FBXO25: variants seen among roughly 807,000 people sequenced by gnomAD.
FBXO25 encodes F-box only protein 25.
A neutral mutation model predicts 51.9 loss-of-function variants in FBXO25; 45 were observed. The observed-to-expected ratio is 0.87, with a 90% CI of 0.68 to 1.11. The LOEUF (loss-of-function observed/expected upper bound fraction) is 1.11, where lower values mean the gene tolerates loss of function less well. FBXO25 is among the 50% of genes most tolerant of loss of function. The pLI is 0.00. For missense variants in FBXO25, 507 were observed against 428.5 expected, an observed-to-expected ratio of 1.18 and a Z score of -1.62; for synonymous variants, 199 against 151.0, an observed-to-expected ratio of 1.32 and a Z score of -2.33.
In FBXO25 at chr8:468,825, A is replaced by T. The variant is rs374465603; in HGVS notation, c.*21A>T. The T allele has an allele frequency of 4.3e-6, 7 of 1,609,914 alleles. No individual in the cohort carries two copies. In the African/African-American group the frequency reaches 9.4e-5, roughly 22 times the overall value. On this transcript the variant is annotated 3_prime_UTR_variant, in exon 10 of 10. Coordinates refer to ENST00000350302, the MANE Select transcript of FBXO25 (RefSeq NM_183420.2). ...TTTAAGGGCTGCCCCTGCCATCCCT[A>T]TTGGAGATTGTGAATCCTGCTGTCT...
At chr8:439,348 C>G (rs1454716361) in intron 5 of FBXO25, among the ~76,000 whole-genome samples, 1 of 152,208 alleles carries the variant, frequency 6.6e-6, no homozygotes, top group African/African-American at 2.4e-5. Context: ...TTCCTGAAAG[C>G]TGCACGGTGT....
intron 5 of FBXO25, among the ~76,000 whole-genome samples, chr8:440,731 T>A (rs2116647498): frequency 6.6e-6 from 1 of 152,142 alleles, no homozygotes; most frequent in South Asian, 2.1e-4. Context: ...ATGCTATCTG[T>A]CCCCTAGCCC....
At chr8:427,485 A>G (rs925594017) in intron 2 of FBXO25, among the ~76,000 whole-genome samples, 1 of 151,514 alleles carries the variant, frequency 6.6e-6, no homozygotes, top group Non-Finnish European at 1.5e-5. Flanking sequence ...TTCATAATCA[A>G]TATCAAACTG....
chr8:472,830 G>C lies in FBXO25; in HGVS notation c.*4026G>C, dbSNP rs1284634230. The C allele has an allele frequency of 6.6e-6, 1 of 152,224 alleles. No homozygotes were observed. Among genetic ancestry groups the C allele is most frequent in the African/African-American group, 2.4e-5 (1 of 41,440 alleles). 9.4% of individuals were successfully genotyped at this position (152,224 alleles called of 1,614,324 possible). ...CTGCTTATCTTCAGAATTATCAAAA[G>C]GAAGGGGTGCTGCCCTCTGAGAAAA... On this transcript the variant is annotated 3_prime_UTR_variant, in exon 10 of 10. Transcript: ENST00000350302.
Position 471,329 on chromosome 8 carries a change from C to A in FBXO25, c.*2525C>A, listed in dbSNP as rs1332140991. 6.6e-6 allele frequency: 1 copy of A among 152,150 alleles called. No homozygotes were observed. Among genetic ancestry groups the A allele is most frequent in the Admixed American group, 6.5e-5 (1 of 15,286 alleles). The allele number at this position is 152,150 out of a possible 1,614,324, so 9.4% of individuals were successfully genotyped here. On this transcript the variant is annotated 3_prime_UTR_variant, in exon 10 of 10. Transcript: ENST00000350302. Reference sequence around the variant, plus strand: ...ACAGAATAAAGACAATTTTGAGGCACTGATCAGTTATTTACAGAAGATCGG... The same window carrying A: ...ACAGAATAAAGACAATTTTGAGGCAATGATCAGTTATTTACAGAAGATCGG...
At chr8:465,524 A>G (rs1358759947) in intron 9 of FBXO25, among the ~76,000 whole-genome samples, 1 of 152,218 alleles carries the variant, frequency 6.6e-6, no homozygotes, top group African/African-American at 2.4e-5. Context: ...CTGCTGAGCA[A>G]CTAACAAAGA....
intron 2 of FBXO25, among the ~76,000 whole-genome samples, chr8:413,770 G>T (rs1197120496): frequency 6.6e-6 from 1 of 152,166 alleles, no homozygotes; most frequent in Non-Finnish European, 1.5e-5. Flanking sequence ...TGTTTCAGTG[G>T]CACAGCCCAA....
chr8:416,917 C>T (rs183154384), intron 2 of FBXO25, among the ~76,000 whole-genome samples: 38 of 152,230 alleles, frequency 2.5e-4, no homozygotes, highest in African/African-American at 8.9e-4. Flanking sequence ...ATAAGAAATG[C>T]TAAGGATGGG....
intron 2 of FBXO25, among the ~76,000 whole-genome samples, chr8:421,154 G>T (rs1156482013): frequency 6.6e-6 from 1 of 152,190 alleles, no homozygotes; most frequent in Admixed American, 6.5e-5. Flanking sequence ...ATTCTCATAG[G>T]AGCGTGAACC....
At chr8:420,299 A>G (rs1797071192) in intron 2 of FBXO25, 2 of 152,328 alleles carry the variant, frequency 1.3e-5, no homozygotes, top group South Asian at 2.1e-4. Flanking sequence ...GCTGGCAAGG[A>G]CAGTGCCAAG....
In FBXO25 at chr8:472,396, T is replaced by G. The variant is rs1360543337; in HGVS notation, c.*3592T>G. 6.6e-6 allele frequency: 1 copy of G among 152,224 alleles called. No individual in the cohort carries two copies. Among genetic ancestry groups the G allele is most frequent in the African/African-American group, 2.4e-5 (1 of 41,456 alleles). 9.4% of individuals were successfully genotyped at this position (152,224 alleles called of 1,614,324 possible). ...CTTGAACCAACCTTGCATTCTTGGG[T>G]CAAAGCCCACTAAGTCATGGTTTAT... On this transcript the variant is annotated 3_prime_UTR_variant, in exon 10 of 10. Transcript: ENST00000350302.
chr8:425,484 C>T (rs1490055090), intron 2 of FBXO25, among the ~76,000 whole-genome samples: 1 of 151,016 alleles, frequency 6.6e-6, no homozygotes, highest in African/African-American at 2.4e-5. Flanking sequence ...GGATTTACTT[C>T]TTAGTTCTAT....
intron 9 of FBXO25, chr8:468,003 C>G: frequency 7.5e-7 from 1 of 1,330,640 alleles, no homozygotes; most frequent in Non-Finnish European, 9.6e-7. Context: ...AAACACTTCA[C>G]CACACAGCAC....
intron 4 of FBXO25, among the ~76,000 whole-genome samples, chr8:433,710 ATAATT>A (rs1797949022): frequency 6.6e-6 from 1 of 152,194 alleles, no homozygotes; most frequent in Non-Finnish European, 1.5e-5. Context: ...ATTGGGGAAA[ATAATT>A]TAGGGAATTA....
At chr8:437,386 G>T (rs753194692) in intron 5 of FBXO25, among the ~76,000 whole-genome samples, 3 of 152,190 alleles carry the variant, frequency 2.0e-5, no homozygotes, top group African/African-American at 7.2e-5. Context: ...TTGCATGGCT[G>T]TCCCAGCACC....
chr8:441,335 C>T (rs963787869), intron 5 of FBXO25, among the ~76,000 whole-genome samples: 20 of 152,130 alleles, frequency 1.3e-4, no homozygotes, highest in African/African-American at 3.9e-4. Flanking sequence ...GAAACTGGAC[C>T]GCTTCCTTAC....
chr8:460,143 C>A (rs1000646456), intron 8 of FBXO25, among the ~76,000 whole-genome samples: 4 of 152,070 alleles, frequency 2.6e-5, no homozygotes, highest in Non-Finnish European at 5.9e-5. Flanking sequence ...TGGGACACTC[C>A]CTATCACGTG....
chr8:458,368 G>C lies in FBXO25; in HGVS notation c.661-1G>C, dbSNP rs1799590362. ...GAGTTGCTGTTGTGTTTTCCTTTCA[G>C]CAAGTGAACAATGGCCTCACCCTCA... On this transcript the variant is annotated splice_acceptor_variant, in intron 7 of 9. Coordinates refer to ENST00000350302, the MANE Select transcript of FBXO25 (RefSeq NM_183420.2). LOFTEE classifies it high-confidence loss of function. 6.2e-7 allele frequency: 1 copy of C among 1,612,408 alleles called. No homozygotes were observed. Among genetic ancestry groups the C allele is most frequent in the East Asian group, 2.2e-5 (1 of 44,850 alleles).
chr8:407,245 G>GAA, intron 1 of FBXO25, 179 bp downstream of exon 1: 1 of 647,886 alleles, frequency 1.5e-6, no homozygotes, highest in Middle Eastern at 8.0e-4. Context: ...CGTCAGGTGG[G>GAA]GACGGGGCCT....
Sources: gnomAD v4.1 joint callset for allele counts (sites outside exome capture counted in the v4.1 genomes callset) on GRCh38, gnomAD v4.1.1 for gene constraint, MANE v1.5 for transcripts, NCBI Gene and HGNC (gene_info 2026-07-23, HGNC 2026-07-21) for gene names.